The following THSD4 variants were observed in gnomAD, a reference collection of about 807,000 sequenced individuals.
THSD4 encodes thrombospondin type 1 domain containing 4.
A neutral mutation model predicts 119.0 loss-of-function variants in THSD4; 69 were observed. The ratio of observed to expected loss-of-function variants is 0.58; its 90% CI spans 0.48 to 0.71. The LOEUF (loss-of-function observed/expected upper bound fraction) is 0.71, where lower values mean the gene tolerates loss of function less well. THSD4 is among the 30% of genes least tolerant of loss of function. The pLI, the probability that THSD4 is intolerant of heterozygous loss-of-function variation, is 0.00. For synonymous variants in THSD4, 524 were observed against 540.4 expected (o/e 0.97, Z 0.42); for missense variants, 1,393 against 1,391.1 (o/e 1.00, Z -0.02).
chr15:71,658,285 A>G (rs578255766), intron 7 of THSD4, among the ~76,000 whole-genome samples: 9 of 152,316 alleles, frequency 5.9e-5, no homozygotes, highest in African/African-American at 2.2e-4. Context: ...CCCTCCCAGC[A>G]GGCTTGCACT....
chr15:71,580,907 G>C (rs1278290007), intron 7 of THSD4, among the ~76,000 whole-genome samples: 1 of 151,810 alleles, frequency 6.6e-6, no homozygotes, highest in Non-Finnish European at 1.5e-5. Context: ...ACATATGTGT[G>C]TGTTATATAT....
intron 7 of THSD4, among the ~76,000 whole-genome samples, chr15:71,537,863 A>G (rs991786609): frequency 2.6e-5 from 4 of 152,048 alleles, no homozygotes; most frequent in African/African-American, 9.7e-5. Context: ...CCTAGGTTGA[A>G]GTGATTTTCA....
rs1363932663 is a variant in THSD4 at position 71,282,191 on chromosome 15, A to G, written c.1015+25476A>G. 2.0e-5 allele frequency among the ~76,000 whole-genome samples: 3 copies of G among 151,880 alleles called. No individual in the cohort carries two copies. In the East Asian group the frequency reaches 5.8e-4, roughly 29 times the overall value. On this transcript the variant is annotated intron_variant, in intron 6 of 17. Coordinates refer to ENST00000261862, the MANE Select transcript of THSD4 (RefSeq NM_024817.3). The stretch of plus-strand genomic sequence containing the variant: ...TTTCCAAAGGAGTGTTTTTTATTCA[A>G]CTTTTCACATTTTGATTTTGTTCTC...
At chr15:71,666,633 A>G (rs968874787) in intron 8 of THSD4, among the ~76,000 whole-genome samples, 2 of 152,220 alleles carry the variant, frequency 1.3e-5, no homozygotes, top group Non-Finnish European at 2.9e-5. Flanking sequence ...AAAACTTACT[A>G]TTAATACTTT....
chr15:71,750,516 C>G (rs375502320), intron 14 of THSD4, among the ~76,000 whole-genome samples: 14 of 152,362 alleles, frequency 9.2e-5, no homozygotes, highest in African/African-American at 3.4e-4. Flanking sequence ...AGCCTTCACT[C>G]CACCTCCAGA....
chr15:71,109,045 ACT>A (rs1316674916), intron 1 of THSD4, among the ~76,000 whole-genome samples: 1 of 152,090 alleles, frequency 6.6e-6, no homozygotes, highest in Non-Finnish European at 1.5e-5. Context: ...AAGAGAAAAT[ACT>A]CTCTTCCACC....
At chr15:71,298,385 G>T (rs988152391) in intron 6 of THSD4, among the ~76,000 whole-genome samples, 1 of 152,034 alleles carries the variant, frequency 6.6e-6, no homozygotes, top group African/African-American at 2.4e-5. Flanking sequence ...TTCCAACTTT[G>T]TTCTTCTTTT....
chr15:71,411,023 G>A (rs949859699), intron 6 of THSD4, among the ~76,000 whole-genome samples: 8 of 152,172 alleles, frequency 5.3e-5, no homozygotes, highest in Non-Finnish European at 1.0e-4. Context: ...GCTCCAGCCT[G>A]GGTTACAGAG....
At chr15:71,711,092 T>TACAC (rs1362263537) in intron 8 of THSD4, among the ~76,000 whole-genome samples, 2 of 148,058 alleles carry the variant, frequency 1.4e-5, no homozygotes, top group African/African-American at 5.0e-5. Context: ...TGTATATATA[T>TACAC]ATACATATAT....
intron 7 of THSD4, among the ~76,000 whole-genome samples, chr15:71,436,775 C>G (rs1484114686): frequency 1.3e-5 from 2 of 152,088 alleles, no homozygotes; most frequent in South Asian, 2.1e-4. Context: ...GTTTATACAC[C>G]CTTTTTCATA....
intron 7 of THSD4, among the ~76,000 whole-genome samples, chr15:71,532,283 A>AGAGAGAGAGTGT (rs1379506089): frequency 4.8e-4 from 49 of 101,642 alleles, no homozygotes; most frequent in African/African-American, 1.4e-3. Flanking sequence ...AGAGAGAGAG[A>AGAGAGAGAGTGT]GTGTGTGTGT....
chr15:71,275,924 A>G (rs1415703087), intron 6 of THSD4, among the ~76,000 whole-genome samples: 5 of 152,298 alleles, frequency 3.3e-5, no homozygotes, highest in Admixed American at 3.3e-4. Flanking sequence ...CTGTGAGTCA[A>G]TTAAACTTCT....
At chr15:71,626,799 A>AT (rs1328502229) in intron 7 of THSD4, among the ~76,000 whole-genome samples, 1 of 152,134 alleles carries the variant, frequency 6.6e-6, no homozygotes, top group African/African-American at 2.4e-5. Context: ...TTGACGTGTT[A>AT]TTTTCTCTGC....
chr15:71,776,623 C>G (rs951499925), intron 17 of THSD4, among the ~76,000 whole-genome samples: 10 of 152,092 alleles, frequency 6.6e-5, no homozygotes, highest in African/African-American at 2.4e-4. Flanking sequence ...TTGGATATAC[C>G]TTATGACCCA....
intron 7 of THSD4, among the ~76,000 whole-genome samples, chr15:71,605,445 C>T (rs1019131966): frequency 2.6e-5 from 4 of 152,152 alleles, no homozygotes; most frequent in East Asian, 3.9e-4. Flanking sequence ...TTCTGACTGC[C>T]GTGTGGGGAA....
At chr15:71,603,413 C>T (rs1423828744) in intron 7 of THSD4, among the ~76,000 whole-genome samples, 2 of 152,242 alleles carry the variant, frequency 1.3e-5, no homozygotes, top group East Asian at 3.8e-4. Flanking sequence ...CCACCCCGTT[C>T]TCCCAGTGCA....
At chr15:71,139,788 A>G (rs1313750742) in intron 1 of THSD4, among the ~76,000 whole-genome samples, 1 of 152,224 alleles carries the variant, frequency 6.6e-6, no homozygotes, top group East Asian at 1.9e-4. Flanking sequence ...TCTCTGGAAG[A>G]AACAAGAAAA....
intron 5 of THSD4, among the ~76,000 whole-genome samples, chr15:71,254,223 G>T (rs1019851671): frequency 6.6e-6 from 1 of 152,184 alleles, no homozygotes; most frequent in East Asian, 1.9e-4. Flanking sequence ...CCCGGCAGCC[G>T]ATCTCTAGTT....
chr15:71,618,664 C>T (rs1409968188), intron 7 of THSD4, among the ~76,000 whole-genome samples: 3 of 152,022 alleles, frequency 2.0e-5, no homozygotes, highest in Admixed American at 6.6e-5. Flanking sequence ...GCCTCAGCCT[C>T]CTGGGCTCAG....
Sources: allele counts gnomAD v4.1 joint callset (sites outside exome capture counted in the v4.1 genomes callset), GRCh38; gene constraint gnomAD v4.1.1; transcripts MANE v1.5; gene names NCBI Gene and HGNC (gene_info 2026-07-23, HGNC 2026-07-21).